ZNF335: variants seen among roughly 807,000 people sequenced by gnomAD.
The protein encoded by ZNF335 is zinc finger protein 335, also known as NRC-interacting factor 1.
ZNF335 carries 84 observed loss-of-function variants against 145.6 expected under a neutral mutation model. That is an observed-to-expected ratio of 0.58 (90% CI 0.48 to 0.69). The LOEUF (loss-of-function observed/expected upper bound fraction) is 0.69, where lower values mean the gene tolerates loss of function less well. Ranked by LOEUF, ZNF335 falls within the 30% of genes least tolerant of loss-of-function variation. The pLI is 0.00. For synonymous variants in ZNF335, 761 were observed against 717.0 expected (o/e 1.06, Z -0.98); for missense variants, 1,865 against 1,809.7 (o/e 1.03, Z -0.55).
At chr20:45,972,032 G>A in intron 1 of ZNF335, 90 bp downstream of exon 1, 1 of 1,246,426 alleles carries the variant, frequency 8.0e-7, no homozygotes, top group Non-Finnish European at 1.0e-6. Context: ...AGCCCCGCCG[G>A]CCTGGGACCT....
In ZNF335 at chr20:45,960,730, A is replaced by C; in HGVS notation, c.1668T>G (p.Thr556=). Residue 556 remains threonine, a splice_region_variant and synonymous_variant, in exon 12 of 28, where the codon ACT becomes ACG. Coordinates refer to ENST00000322927, the MANE Select transcript of ZNF335 (RefSeq NM_022095.4). ...GGCAGGGGAAAGAGCTCAGCTTTGGAGTCTAGGAAGGCATAAGAAGGGGCC... is the reference window on the plus strand; with the variant it reads ...GGCAGGGGAAAGAGCTCAGCTTTGGCGTCTAGGAAGGCATAAGAAGGGGCC... ...SRDRKKRPDP[T]PKLSSFPCPV... 4 of 1,613,790 alleles carry C rather than the reference A, an allele frequency of 2.5e-6. No individual in the cohort carries two copies. The highest frequency in any genetic ancestry group is 3.4e-6 in the Non-Finnish European group (4 of 1,179,774).
At chr20:45,966,551 C>CT (rs34666532) in intron 6 of ZNF335, among the ~76,000 whole-genome samples, 29,219 of 140,444 alleles carry the variant, frequency 0.21, 3,363 homozygotes, top group East Asian at 0.34. Context: ...CTTTTTCTTT[C>CT]TTTTTTTTTT....
In ZNF335 at chr20:45,949,954, C is replaced by A; in HGVS notation, c.3591+12G>T. The A allele has an allele frequency of 6.2e-7, 1 of 1,614,160 alleles. No individual in the cohort carries two copies. Among genetic ancestry groups the A allele is most frequent in the Non-Finnish European group, 8.5e-7 (1 of 1,180,020 alleles). ...TGTCGCTGGCCAGAGGGCCCCCAGT[C>A]CTGACTCTTACCTGATTGGTCACTG... is the stretch of plus-strand genomic sequence containing the variant. On this transcript the variant is annotated intron_variant, in intron 23 of 27. Coordinates refer to ENST00000322927, the MANE Select transcript of ZNF335 (RefSeq NM_022095.4).
intron 18 of ZNF335, among the ~76,000 whole-genome samples, chr20:45,953,324 C>CA (rs1432491869): frequency 6.6e-6 from 1 of 152,194 alleles, no homozygotes; most frequent in East Asian, 1.9e-4. Flanking sequence ...CACCTGGGAT[C>CA]ACCCAAGAAG....
intron 14 of ZNF335, 62 bp from the exon 15 acceptor site, chr20:45,959,495 TC>T: frequency 7.9e-7 from 1 of 1,266,160 alleles, no homozygotes; most frequent in Non-Finnish European, 1.0e-6. Flanking sequence ...CCTCCAGGAA[TC>T]CTTTCTTGAC....
Position 45,967,964 on chromosome 20 carries a change from G to T in ZNF335, c.584C>A (p.Ala195Asp). The change falls in exon 5 of 28, where the codon GCC becomes GAC. Residue 195 changes from alanine (A) to aspartate (D), a missense_variant. Coordinates refer to ENST00000322927, the MANE Select transcript of ZNF335 (RefSeq NM_022095.4). The part of the protein sequence containing the change: ...TLAHSLAAIE[A>D]LADGPTSTST... ...TGTGGATGTGGGGCCATCTGCCAGGGCCTCAATGGCTGCTAGGCTGTGGGC... is the reference window on the plus strand; with the variant it reads ...TGTGGATGTGGGGCCATCTGCCAGGTCCTCAATGGCTGCTAGGCTGTGGGC... The T allele has an allele frequency of 1.9e-6, 3 of 1,612,880 alleles. No individual in the cohort carries two copies. The highest frequency in any genetic ancestry group is 2.5e-6 in the Non-Finnish European group (3 of 1,180,046).
intron 2 of ZNF335, chr20:45,970,168 T>G (rs2084033633): frequency 1.3e-5 from 2 of 153,776 alleles, no homozygotes; most frequent in African/African-American, 4.8e-5. Flanking sequence ...TGGGGTTCAT[T>G]GTGCCTTTTA....
Position 45,952,287 on chromosome 20 carries a change from T to C in ZNF335, c.3049A>G (p.Lys1017Glu). ...SPPSAATAAS[K>E]KFSCKICAEA... ...GCACAGATCTTGCAGGAAAACTTCT[T>C]TGATGCAGCAGTGGCTGCAGATGGC... Residue 1017 changes from lysine (K) to glutamate (E), a missense_variant, in exon 20 of 28, where the codon AAG becomes GAG. Coordinates refer to ENST00000322927, the MANE Select transcript of ZNF335 (RefSeq NM_022095.4). 1 of 1,613,564 alleles carries C rather than the reference T, an allele frequency of 6.2e-7. No individual in the cohort carries two copies. Among genetic ancestry groups the C allele is most frequent in the Non-Finnish European group, 8.5e-7 (1 of 1,180,004 alleles).
chr20:45,963,918 G>C lies in ZNF335; in HGVS notation c.1175C>G (p.Pro392Arg), dbSNP rs749699474. 2.5e-6 allele frequency: 4 copies of C among 1,575,820 alleles called. No homozygotes were observed. In the Admixed American group the frequency reaches 7.2e-5, roughly 28 times the overall value. ...CAGGTGTCCTGGGCCTGAGGAGCTGGGAGCCTCGGGATCCTGTGGCTCTGG... is the reference window on the plus strand; with the variant it reads ...CAGGTGTCCTGGGCCTGAGGAGCTGCGAGCCTCGGGATCCTGTGGCTCTGG... ...SPPEPQDPEA[P>R]SSSGPGHLVA... is the part of the protein sequence containing the mutation. Residue 392 changes from proline to arginine, a missense_variant, in exon 8 of 28, where the codon CCC becomes CGC. Transcript: ENST00000322927.
rs2083582294 is a variant in ZNF335, at chr20:45,949,273, G to A, written c.3820-22C>T. 5.0e-6 allele frequency: 8 copies of A among 1,613,816 alleles called. No homozygotes were observed. In the South Asian group the frequency reaches 7.7e-5, roughly 16 times the overall value. On this transcript the variant is annotated intron_variant, in intron 26 of 27. Coordinates refer to ENST00000322927, the MANE Select transcript of ZNF335 (RefSeq NM_022095.4). ...GGATCTGGAGGGGAGAAGCTGATAA[G>A]ATGCTGGCCTGGAGAAACCTGCCTG...
chr20:45,960,198 C>A lies in ZNF335; in HGVS notation c.2020+10G>T. On this transcript the variant is annotated intron_variant, in intron 14 of 27. Transcript: ENST00000322927. The stretch of plus-strand genomic sequence containing the variant: ...GCTGGTGAGTGGGGCTGGGGTGTGT[C>A]CAGCCTGACCTGTGTGCTTGACAGC... 6.2e-7 allele frequency: 1 copy of A among 1,613,610 alleles called. No homozygotes were observed. The highest frequency in any genetic ancestry group is 1.1e-5 in the South Asian group (1 of 90,964).
rs142812853 is a variant in ZNF335 at position 45,952,387 on chromosome 20, T to A, written c.2949A>T (p.Val983=). 3.7e-6 allele frequency: 6 copies of A among 1,601,812 alleles called. No individual in the cohort carries two copies. The highest frequency in any genetic ancestry group is 1.3e-5 in the African/African-American group (1 of 74,758). The change falls in exon 20 of 28, where the codon GTA becomes GTT. Residue 983 remains valine, a synonymous_variant. Coordinates refer to ENST00000322927, the MANE Select transcript of ZNF335 (RefSeq NM_022095.4). ...EPPSPAKTHC[V]GDSQSSASSP... is the part of the protein sequence containing the mutation. ...AGGAGGCAGAGCTCTGGGAGTCCCC[T>A]ACGCAGTGGGTCTTGGCTGGAGATG...
At position 45,969,562 on chromosome 20, in the gene ZNF335, C is replaced by T; in HGVS notation, c.331G>A (p.Ala111Thr). ...GGPPALVHSS[A>T]LPDPNMLVSD... ...ACCAGCATGTTGGGGTCTGGGAGTG[C>T]ACTAGAGTGCACAAGTGCTGGGGGA... Residue 111 changes from alanine to threonine, a missense_variant, in exon 3 of 28, where the codon GCA becomes ACA. By Grantham distance (58) the Ala-to-Thr change is moderately conservative. Transcript: ENST00000322927. 1 of 1,602,584 alleles carries T rather than the reference C, an allele frequency of 6.2e-7. No homozygotes were observed. The highest frequency in any genetic ancestry group is 8.5e-7 in the Non-Finnish European group (1 of 1,170,984).
chr20:45,957,685 G>C lies in ZNF335; in HGVS notation c.2348-5C>G. On this transcript the variant is annotated splice_region_variant and splice_polypyrimidine_tract_variant and intron_variant, in intron 16 of 27. Coordinates refer to ENST00000322927, the MANE Select transcript of ZNF335 (RefSeq NM_022095.4). ...TCGCTGTCGACTCCTCAGCTCCTGG[G>C]TGGGGTGGGACCTAAGCCTGACAAA... is the stretch of plus-strand genomic sequence containing the variant. The C allele has an allele frequency of 6.2e-7, 1 of 1,614,112 alleles. No individual in the cohort carries two copies. The highest frequency in any genetic ancestry group is 2.2e-5 in the East Asian group (1 of 44,880).
intron 15 of ZNF335, among the ~76,000 whole-genome samples, 197 bp from the exon 16 acceptor site, chr20:45,958,125 T>C (rs909669035): frequency 1.3e-5 from 2 of 151,926 alleles, no homozygotes; most frequent in Non-Finnish European, 2.9e-5. Flanking sequence ...CTAGGCTCAC[T>C]ACAACCTCTG....
chr20:45,949,578 G>T lies in ZNF335; in HGVS notation c.3670-10C>A, dbSNP rs768201972. ...AGATGATATACTGCACCTGTTGGTG[G>T]GGGGGGCGGGCATGGCGAGGCAGGT... is the stretch of plus-strand genomic sequence containing the variant. On this transcript the variant is annotated splice_polypyrimidine_tract_variant and intron_variant, in intron 24 of 27. Transcript: ENST00000322927. 6.2e-7 allele frequency: 1 copy of T among 1,606,096 alleles called. No homozygotes were observed. The highest frequency in any genetic ancestry group is 8.5e-7 in the Non-Finnish European group (1 of 1,176,988).
Position 45,960,383 on chromosome 20 carries a change from A to C in ZNF335, c.1860-15T>G, listed in dbSNP as rs2083817034. The C allele has an allele frequency of 1.2e-6, 2 of 1,614,166 alleles. No individual in the cohort carries two copies. Among genetic ancestry groups the C allele is most frequent in the East Asian group, 4.5e-5 (2 of 44,886 alleles). Reference sequence around the variant, plus strand: ...CACACTTGAACCTGGAGGCGGTTAGAGGGAGGGAAGCTCAGTAATGAGCTG... The same window carrying C: ...CACACTTGAACCTGGAGGCGGTTAGCGGGAGGGAAGCTCAGTAATGAGCTG... On this transcript the variant is annotated splice_polypyrimidine_tract_variant and intron_variant, in intron 13 of 27. Coordinates refer to ENST00000322927, the MANE Select transcript of ZNF335 (RefSeq NM_022095.4).
At chr20:45,954,867 A>G (rs1357812752) in intron 17 of ZNF335, among the ~76,000 whole-genome samples, 1 of 149,656 alleles carries the variant, frequency 6.7e-6, no homozygotes, top group Non-Finnish European at 1.5e-5. Context: ...TCCTGGGCTC[A>G]AGCGATCCTC....
At position 45,967,580 on chromosome 20, in the gene ZNF335, G is replaced by A; in HGVS notation, c.869C>T (p.Thr290Ile). The stretch of plus-strand genomic sequence containing the variant: ...CTCTTCCTCTTGGCTCTTGGTGGAG[G>A]TGCTCCACTTCCGTAGACGTCCTTT... ...GKKGRLRKWS[T>I]STKSQEEEGP... Residue 290 changes from threonine (T) to isoleucine (I), a missense_variant, in exon 6 of 28, where the codon ACC becomes ATC. Physicochemically the swap from Thr to Ile is moderately conservative, Grantham distance 89 (BLOSUM62 -1). Coordinates refer to ENST00000322927, the MANE Select transcript of ZNF335 (RefSeq NM_022095.4). 1.2e-6 allele frequency: 2 copies of A among 1,613,856 alleles called. No homozygotes were observed. The highest frequency in any genetic ancestry group is 2.2e-5 in the East Asian group (1 of 44,870).
Sources: allele counts gnomAD v4.1 joint callset (sites outside exome capture counted in the v4.1 genomes callset), GRCh38; gene constraint gnomAD v4.1.1; transcripts MANE v1.5; gene names NCBI Gene and HGNC (gene_info 2026-07-23, HGNC 2026-07-21).